The following UNC13A variants were observed in gnomAD, a reference collection of about 807,000 sequenced individuals.
UNC13A encodes protein unc-13 homolog A.
A neutral mutation model predicts 219.7 loss-of-function variants in UNC13A; 61 were observed. The observed-to-expected ratio is 0.28, with a 90% CI of 0.23 to 0.34. The LOEUF (loss-of-function observed/expected upper bound fraction) is 0.34, where lower values mean the gene tolerates loss of function less well. Ranked by LOEUF, UNC13A falls within the 10% of genes least tolerant of loss-of-function variation. The probability of loss-of-function intolerance (pLI) is 1.00; values close to 1 mark genes in which losing one functional copy is unlikely to be tolerated. For synonymous variants in UNC13A, 920 were observed against 884.6 expected, an observed-to-expected ratio of 1.04 and a Z score of -0.71; for missense variants, 1,476 against 2,270.3, an observed-to-expected ratio of 0.65 and a Z score of 7.11.
In UNC13A at chr19:17,674,992, G is replaced by T. The variant is rs933679829; in HGVS notation, c.53-236C>A. ...CATGCCATTGGTTTTCAGCTAAAAA[G>T]ACTGAGGTCCCAGAAAAGGGGAACA... On this transcript the variant is annotated intron_variant, in intron 2 of 43. Transcript: ENST00000519716. This position sits in a 1 kb window ranked among gnomAD's most constrained non-coding sequence, Gnocchi z 5.0. Among the ~76,000 whole-genome samples the T allele has an allele frequency of 6.6e-6, 1 of 152,276 alleles. No homozygotes were observed. Among genetic ancestry groups the T allele is most frequent in the Non-Finnish European group, 1.5e-5 (1 of 68,006 alleles).
intron 43 of UNC13A, among the ~76,000 whole-genome samples, chr19:17,608,382 AAAT>A (rs1322517763): frequency 2.4e-5 from 2 of 85,018 alleles, no homozygotes; most frequent in Admixed American, 1.3e-4. Context: ...ATATGTATAT[AAAT>A]ATATATATAT....
chr19:17,670,499 A>G (rs1425682039), intron 4 of UNC13A, among the ~76,000 whole-genome samples: 1 of 152,020 alleles, frequency 6.6e-6, no homozygotes, highest in African/African-American at 2.4e-5. Flanking sequence ...AGCCTCCCAA[A>G]GTGCTGGGAT....
chr19:17,655,451 A>G, intron 10 of UNC13A, 69 bp from the exon 11 acceptor site: 7 of 1,242,026 alleles, frequency 5.6e-6, no homozygotes, highest in Non-Finnish European at 5.7e-6. Context: ...TTGACCCTCC[A>G]GCTGTGCAAG....
chr19:17,659,922 C>A (rs1010499333), intron 8 of UNC13A, among the ~76,000 whole-genome samples: 1 of 152,180 alleles, frequency 6.6e-6, no homozygotes. Context: ...TTCATTTAGA[C>A]AGGGTCTCTC....
chr19:17,681,253 G>A (rs1318840600), intron 1 of UNC13A, among the ~76,000 whole-genome samples: 1 of 151,760 alleles, frequency 6.6e-6, no homozygotes, highest in Non-Finnish European at 1.5e-5. Context: ...TCCCTGACCT[G>A]CCACGTGGGA....
intron 7 of UNC13A, among the ~76,000 whole-genome samples, chr19:17,664,506 A>G (rs1277758665): frequency 6.6e-6 from 1 of 152,138 alleles, no homozygotes; most frequent in Non-Finnish European, 1.5e-5. Context: ...GGGTGACAAA[A>G]TACTCCAAGG....
At chr19:17,680,523 G>A (rs926297799) in intron 1 of UNC13A, among the ~76,000 whole-genome samples, 2 of 152,170 alleles carry the variant, frequency 1.3e-5, no homozygotes, top group Non-Finnish European at 2.9e-5. Context: ...CCCCAGAAGC[G>A]CTGACTGATG....
intron 25 of UNC13A, among the ~76,000 whole-genome samples, chr19:17,637,729 A>G (rs141261025): frequency 0.017 from 2,611 of 150,898 alleles, 91 homozygotes; most frequent in African/African-American, 0.061. Flanking sequence ...ACTGATTCCA[A>G]CTCTAGTCAA....
chr19:17,626,575 C>A, intron 34 of UNC13A, 58 bp downstream of exon 34: 1 of 1,462,150 alleles, frequency 6.8e-7, no homozygotes, highest in South Asian at 1.4e-5. Flanking sequence ...GTCCCTGGGT[C>A]TCTATGGCCC....
chr19:17,642,417 T>C (rs2076981037), intron 20 of UNC13A, among the ~76,000 whole-genome samples: 1 of 152,186 alleles, frequency 6.6e-6, no homozygotes, highest in African/African-American at 2.4e-5. Flanking sequence ...TACTCACCCA[T>C]CTCTCCATCC....
intron 31 of UNC13A, chr19:17,628,292 G>C: frequency 3.2e-6 from 1 of 309,240 alleles, no homozygotes; most frequent in Non-Finnish European, 6.2e-6. Flanking sequence ...GCAACAGCCA[G>C]ACAGTGACAC....
At chr19:17,659,376 G>A (rs989183263) in intron 8 of UNC13A, among the ~76,000 whole-genome samples, 6 of 152,102 alleles carry the variant, frequency 3.9e-5, no homozygotes, top group African/African-American at 1.4e-4. Context: ...CCAGGAGGTG[G>A]AGATTGCTGT....
At chr19:17,611,621 T>A in intron 42 of UNC13A, 142 bp downstream of exon 42, 1 of 654,446 alleles carries the variant, frequency 1.5e-6, no homozygotes. Context: ...GATCCAGCCA[T>A]GCCTGAAGGT....
chr19:17,605,983 G>T lies in UNC13A; in HGVS notation c.*71C>A. On this transcript the variant is annotated 3_prime_UTR_variant, in exon 44 of 44. Transcript: ENST00000519716. ...CCCGCCCCTGGGGAGGTCCCACCAA[G>T]GCGCAAGCCCCGTCCCTCCCCGCCC... is the stretch of plus-strand genomic sequence containing the variant. 7.5e-7 allele frequency: 1 copy of T among 1,340,696 alleles called. No individual in the cohort carries two copies. The highest frequency in any genetic ancestry group is 1.8e-5 in the South Asian group (1 of 55,946). The allele number at this position is 1,340,696 out of a possible 1,614,324, so 83.0% of individuals were successfully genotyped here. A position where few individuals can be genotyped will look rare whatever the true frequency, so the allele number is the denominator to read the frequency against.
chr19:17,616,374 G>T (rs117216329), intron 41 of UNC13A: 8 of 690,348 alleles, frequency 1.2e-5, no homozygotes, highest in Non-Finnish European at 2.1e-5. Context: ...CGGGCACCAG[G>T]CGCGGGCGGC....
chr19:17,620,686 G>A lies in UNC13A; in HGVS notation c.4272+7C>T, dbSNP rs762776791. On this transcript the variant is annotated splice_region_variant and intron_variant, in intron 38 of 43. Coordinates refer to ENST00000519716, the MANE Select transcript of UNC13A (RefSeq NM_001080421.3). ...GAGCCAGACAGACAGTGAGAGGCCG[G>A]TCTTACGTCTGAGTGGCTTGGCAAT... 15 of 1,613,006 alleles carry A rather than the reference G, an allele frequency of 9.3e-6. No homozygotes were observed. The East Asian group carries it at 2.2e-4, about 24-fold the overall frequency.
intron 21 of UNC13A, 103 bp from the exon 22 acceptor site, chr19:17,640,764 T>C: frequency 7.6e-7 from 1 of 1,309,988 alleles, no homozygotes; most frequent in Non-Finnish European, 1.0e-6. Context: ...TGGGTCTCTG[T>C]CACCTCCTAA....
At chr19:17,642,188 C>A (rs1031765323) in intron 20 of UNC13A, among the ~76,000 whole-genome samples, 8 of 152,190 alleles carry the variant, frequency 5.3e-5, no homozygotes, top group African/African-American at 1.9e-4. Context: ...ATCTATCCAC[C>A]CAGTCAATCA....
At chr19:17,655,206 T>C in intron 11 of UNC13A, 68 bp downstream of exon 11, 1 of 1,334,904 alleles carries the variant, frequency 7.5e-7, no homozygotes. Context: ...GGCCAAAACA[T>C]GTGTGGGCCT....
Sources: allele counts gnomAD v4.1 joint callset (sites outside exome capture counted in the v4.1 genomes callset), GRCh38; gene constraint gnomAD v4.1.1; non-coding constraint Gnocchi (gnomAD v3.1); transcripts MANE v1.5; gene names NCBI Gene and HGNC (gene_info 2026-07-23, HGNC 2026-07-21).